The following ZBBX variants were observed in gnomAD, a reference collection of about 807,000 sequenced individuals.
The protein encoded by ZBBX is zinc finger B-box domain containing.
Under a neutral mutation model 108.5 loss-of-function variants are expected in ZBBX, and 101 were observed. That is an observed-to-expected ratio of 0.93 (90% CI 0.79 to 1.10). The LOEUF (loss-of-function observed/expected upper bound fraction) is 1.10. Ranked by LOEUF, ZBBX falls within the 50% of genes least tolerant of loss-of-function variation. The probability of loss-of-function intolerance (pLI) is 0.00; values close to 1 mark genes in which losing one functional copy is unlikely to be tolerated. For missense variants in ZBBX, 1,009 were observed against 941.4 expected, an observed-to-expected ratio of 1.07 and a Z score of -0.94; for synonymous variants, 356 against 323.4, an observed-to-expected ratio of 1.10 and a Z score of -1.08.
chr3:167,234,006 T>C, the ZBBX span, among the ~76,000 whole-genome samples: 1 of 151,786 alleles, frequency 6.6e-6, no homozygotes, highest in Non-Finnish European at 1.5e-5. Flanking sequence ...ATTCATGCTT[T>C]TGTTCAGCAA....
downstream of ZBBX, among the ~76,000 whole-genome samples, chr3:167,235,178 C>T (rs1463925291): frequency 6.6e-6 from 1 of 151,600 alleles, no homozygotes. Flanking sequence ...GCCTAACCTA[C>T]AAGGTATTCT....
chr3:167,223,532 T>C, the ZBBX span, among the ~76,000 whole-genome samples: 1 of 151,916 alleles, frequency 6.6e-6, no homozygotes, highest in Non-Finnish European at 1.5e-5. Flanking sequence ...GCAAATCACT[T>C]AACCTTCCTG....
intron 9 of ZBBX, among the ~76,000 whole-genome samples, chr3:167,345,257 G>A (rs1457865733): frequency 6.6e-6 from 1 of 151,698 alleles, no homozygotes; most frequent in Non-Finnish European, 1.5e-5. Context: ...CTTCTCACAA[G>A]GTCCTAAAAT....
At chr3:167,338,064 C>T (rs1739877737) in intron 9 of ZBBX, among the ~76,000 whole-genome samples, 1 of 152,094 alleles carries the variant, frequency 6.6e-6, no homozygotes, top group South Asian at 2.1e-4. Context: ...CCAAAACAGC[C>T]TTCAAGGCAC....
At chr3:167,184,084 C>T in the ZBBX span, among the ~76,000 whole-genome samples, 10 of 152,014 alleles carry the variant, frequency 6.6e-5, no homozygotes, top group South Asian at 2.1e-4. Context: ...TCAATAAACA[C>T]GTGAAGAAAT....
chr3:167,178,562 C>A, the ZBBX span, among the ~76,000 whole-genome samples: 1 of 152,132 alleles, frequency 6.6e-6, no homozygotes, highest in Admixed American at 6.5e-5. Flanking sequence ...GGGGGATCCT[C>A]AGGTTCCTCC....
chr3:167,406,444 G>A (rs1347892201), intron 1 of ZBBX, among the ~76,000 whole-genome samples: 1 of 152,058 alleles, frequency 6.6e-6, no homozygotes, highest in Non-Finnish European at 1.5e-5. Flanking sequence ...TTTCCAGCTG[G>A]GTACAGTGGC....
chr3:167,219,240 C>CA, the ZBBX span, among the ~76,000 whole-genome samples: 8 of 151,874 alleles, frequency 5.3e-5, no homozygotes, highest in South Asian at 8.3e-4. Context: ...AGGAAATCCA[C>CA]AAAAAAATGG....
intron 20 of ZBBX, among the ~76,000 whole-genome samples, chr3:167,268,171 T>C (rs2108456470): frequency 6.6e-6 from 1 of 152,166 alleles, no homozygotes; most frequent in East Asian, 1.9e-4. Flanking sequence ...GCTTTGTAAG[T>C]GCTCCCCTAA....
downstream of ZBBX, among the ~76,000 whole-genome samples, chr3:167,237,445 G>A (rs371433832): frequency 4.6e-5 from 7 of 151,750 alleles, no homozygotes; most frequent in Admixed American, 6.6e-5. Context: ...GGTTAAAGGC[G>A]CACTGTACTG....
chr3:167,301,846 A>G (rs551427232), intron 17 of ZBBX, among the ~76,000 whole-genome samples: 36 of 151,396 alleles, frequency 2.4e-4, no homozygotes, highest in Non-Finnish European at 5.0e-4. Flanking sequence ...AGTCCCAGCT[A>G]CACGGGAGGC....
chr3:167,195,001 G>A, the ZBBX span, among the ~76,000 whole-genome samples: 1 of 152,130 alleles, frequency 6.6e-6, no homozygotes, highest in African/African-American at 2.4e-5. Flanking sequence ...TTCAGGCCAC[G>A]AGAAACGTCA....
At chr3:167,308,718 G>A (rs550302966) in intron 16 of ZBBX, among the ~76,000 whole-genome samples, 141 of 152,124 alleles carry the variant, frequency 9.3e-4, no homozygotes, top group Non-Finnish European at 1.7e-3. Flanking sequence ...CTAAGCACTA[G>A]TTTATAATTT....
chr3:167,323,562 C>A (rs1736847683), intron 11 of ZBBX, among the ~76,000 whole-genome samples: 1 of 152,048 alleles, frequency 6.6e-6, no homozygotes, highest in African/African-American at 2.4e-5. Context: ...TTGTCGTAAA[C>A]AAACTTACGG....
chr3:167,283,402 T>C (rs1412595237), intron 19 of ZBBX, among the ~76,000 whole-genome samples: 1 of 152,154 alleles, frequency 6.6e-6, no homozygotes, highest in East Asian at 1.9e-4. Flanking sequence ...TTTAGGTAAA[T>C]ATATTTATAG....
intron 9 of ZBBX, among the ~76,000 whole-genome samples, chr3:167,335,077 C>T (rs773273871): frequency 2.6e-5 from 4 of 152,126 alleles, no homozygotes; most frequent in Non-Finnish European, 5.9e-5. Context: ...CAACTGTACA[C>T]GGTATTTACC....
Position 167,368,790 on chromosome 3 carries a change from T to A in ZBBX, c.69-216A>T, listed in dbSNP as rs1038286812. On this transcript the variant is annotated intron_variant, in intron 4 of 21. Coordinates refer to ENST00000675490, the MANE Select transcript of ZBBX (RefSeq NM_001199201.2). ...TCTCTTCAAATCTTAGACTTTTGTT[T>A]TAATTATTACATTGCTAGGGGTTCA... 2.1e-5 allele frequency: 24 copies of A among 1,165,336 alleles called. No homozygotes were observed. The African/African-American group carries it at 3.9e-4, about 19-fold the overall frequency. The allele number at this position is 1,165,336 out of a possible 1,614,324, so 72.2% of individuals were successfully genotyped here.
intron 11 of ZBBX, among the ~76,000 whole-genome samples, chr3:167,327,013 G>T (rs1355722824): frequency 6.6e-6 from 1 of 151,698 alleles, no homozygotes; most frequent in Non-Finnish European, 1.5e-5. Flanking sequence ...ACAAGATTCT[G>T]AGTAATAAAA....
chr3:167,220,742 G>A, the ZBBX span, among the ~76,000 whole-genome samples: 2 of 151,900 alleles, frequency 1.3e-5, no homozygotes, highest in Admixed American at 6.6e-5. Flanking sequence ...AATTAGAAAA[G>A]AGAAAGAAAT....
Sources: gnomAD v4.1 joint callset for allele counts (sites outside exome capture counted in the v4.1 genomes callset) on GRCh38, gnomAD v4.1.1 for gene constraint, MANE v1.5 for transcripts, NCBI Gene and HGNC (gene_info 2026-07-23, HGNC 2026-07-21) for gene names.